Variants in INPP4B observed in about 807,000 individuals in gnomAD.
The protein encoded by INPP4B is inositol polyphosphate-4-phosphatase type II B, also known as inositol polyphosphate 4-phosphatase type II.
In INPP4B, 55 loss-of-function variants were observed where a neutral mutation model predicts 122.5. The observed-to-expected ratio is 0.45, with a 90% confidence interval of 0.36 to 0.56. The LOEUF is 0.56. Ranked by LOEUF, INPP4B falls within the 20% of genes least tolerant of loss-of-function variation. INPP4B has a pLI of 0.00. For synonymous variants in INPP4B, 403 were observed against 388.7 expected, an observed-to-expected ratio of 1.04 and a Z score of -0.43; for missense variants, 1,000 against 1,097.7, an observed-to-expected ratio of 0.91 and a Z score of 1.26.
intron 2 of INPP4B, among the ~76,000 whole-genome samples, chr4:142,541,560 C>T (rs11728822): frequency 0.47 from 71,017 of 152,032 alleles, 19,240 homozygotes; most frequent in Non-Finnish European, 0.62. Context: ...AATTTATTGC[C>T]TCACAACTCC....
At chr4:142,743,946 G>T (rs967730676) in intron 1 of INPP4B, among the ~76,000 whole-genome samples, 1 of 151,648 alleles carries the variant, frequency 6.6e-6, no homozygotes, top group African/African-American at 2.4e-5. Context: ...ACATAGTAAA[G>T]AATAAGCCAT....
intron 3 of INPP4B, among the ~76,000 whole-genome samples, chr4:142,435,342 C>A (rs1308293729): frequency 6.6e-6 from 1 of 151,964 alleles, no homozygotes; most frequent in Non-Finnish European, 1.5e-5. Flanking sequence ...AAAGTCCTTT[C>A]AATAAGAATG....
chr4:142,441,901 T>C (rs1183348498), intron 3 of INPP4B, among the ~76,000 whole-genome samples: 6 of 136,974 alleles, frequency 4.4e-5, no homozygotes, highest in Non-Finnish European at 6.2e-5. Context: ...GAGAGAGAAA[T>C]AGAATTGAAC....
At chr4:142,431,855 C>T (rs1383256398) in intron 3 of INPP4B, among the ~76,000 whole-genome samples, 4 of 152,050 alleles carry the variant, frequency 2.6e-5, no homozygotes, top group East Asian at 1.9e-4. Flanking sequence ...TTTGGCATGA[C>T]ATTCTTCTTC....
At chr4:142,653,064 A>G (rs1352859904) in intron 2 of INPP4B, among the ~76,000 whole-genome samples, 1 of 152,190 alleles carries the variant, frequency 6.6e-6, no homozygotes, top group Non-Finnish European at 1.5e-5. Flanking sequence ...CTCAGAAATA[A>G]CACCACACAT....
chr4:142,264,936 C>T (rs1742024153), intron 10 of INPP4B, among the ~76,000 whole-genome samples: 1 of 151,968 alleles, frequency 6.6e-6, no homozygotes, highest in Non-Finnish European at 1.5e-5. Context: ...CTCCCTCTCT[C>T]CCTTCCTTTC....
chr4:142,152,714 C>A (rs1003799427), intron 17 of INPP4B, among the ~76,000 whole-genome samples: 1 of 152,124 alleles, frequency 6.6e-6, no homozygotes, highest in African/African-American at 2.4e-5. Flanking sequence ...CTGCCTCAGC[C>A]TCCCAAGTAG....
intron 1 of INPP4B, among the ~76,000 whole-genome samples, chr4:142,729,828 C>T (rs769859575): frequency 5.3e-5 from 8 of 152,128 alleles, no homozygotes; most frequent in South Asian, 4.1e-4. Context: ...CTTTCATATT[C>T]GTGGCCCACC....
rs144773298 is a variant in INPP4B, at chr4:142,242,719, G to A, written c.689-4708C>T. Among the ~76,000 whole-genome samples, 11 of 152,036 alleles carry A rather than the reference G, an allele frequency of 7.2e-5. No individual in the cohort carries two copies. The East Asian group carries it at 1.2e-3, about 16-fold the overall frequency. On this transcript the variant is annotated intron_variant, in intron 11 of 25. Transcript: ENST00000262992. ...ATCCTATAAACTTAGCTCAGCTATC[G>A]CCTCCTCCAGGAAGCCTTCTTCAGT...
chr4:142,683,364 T>A (rs3967128), intron 2 of INPP4B, among the ~76,000 whole-genome samples: 118,830 of 151,550 alleles, frequency 0.78, 47,091 homozygotes, highest in East Asian at 0.85. Flanking sequence ...CAATGGGAGG[T>A]CACTGGTGTA....
intron 1 of INPP4B, among the ~76,000 whole-genome samples, chr4:142,839,497 A>C (rs1783225398): frequency 6.6e-6 from 1 of 152,156 alleles, no homozygotes; most frequent in Non-Finnish European, 1.5e-5. Context: ...ATCATGTAAC[A>C]AGTTCAAGTA....
chr4:142,093,942 A>T (rs1780693301), intron 23 of INPP4B, among the ~76,000 whole-genome samples: 1 of 152,226 alleles, frequency 6.6e-6, no homozygotes, highest in African/African-American at 2.4e-5. Flanking sequence ...CCAAAGCAAT[A>T]TATTAAAAAT....
chr4:142,714,977 G>T (rs78552119), intron 2 of INPP4B, among the ~76,000 whole-genome samples: 43 of 152,296 alleles, frequency 2.8e-4, no homozygotes, highest in African/African-American at 1.0e-3. Context: ...GTCCACATGT[G>T]CAGTGGCTAG....
chr4:142,630,568 A>G (rs1301936042), intron 2 of INPP4B, among the ~76,000 whole-genome samples: 8 of 151,982 alleles, frequency 5.3e-5, no homozygotes, highest in Admixed American at 2.6e-4. Flanking sequence ...GCAACTAGAA[A>G]TCTGGATAAA....
intron 2 of INPP4B, among the ~76,000 whole-genome samples, chr4:142,496,167 T>A (rs1355825030): frequency 6.6e-6 from 1 of 152,186 alleles, no homozygotes; most frequent in Non-Finnish European, 1.5e-5. Flanking sequence ...TAATTTTTTA[T>A]AAGTAGAATT....
intron 8 of INPP4B, among the ~76,000 whole-genome samples, chr4:142,313,066 G>C (rs1444281826): frequency 6.6e-6 from 1 of 152,192 alleles, no homozygotes; most frequent in Non-Finnish European, 1.5e-5. Flanking sequence ...CACGTTGCTA[G>C]AGTCACAGAA....
chr4:142,278,502 T>C (rs1749686936), intron 9 of INPP4B, among the ~76,000 whole-genome samples: 1 of 151,882 alleles, frequency 6.6e-6, no homozygotes, highest in African/African-American at 2.4e-5. Context: ...GTGGCAATGA[T>C]GGCAGTATTT....
chr4:142,164,512 T>C (rs537291845), intron 16 of INPP4B, among the ~76,000 whole-genome samples: 2 of 151,906 alleles, frequency 1.3e-5, no homozygotes, highest in South Asian at 2.1e-4. Flanking sequence ...ATTAGGGCAC[T>C]GATGTATTTT....
intron 1 of INPP4B, among the ~76,000 whole-genome samples, chr4:142,738,708 T>G (rs1052285133): frequency 2.6e-5 from 4 of 152,148 alleles, no homozygotes; most frequent in African/African-American, 4.8e-5. Context: ...TCCCCATATG[T>G]GTCTACAAAT....
Sources: gnomAD v4.1 joint callset for allele counts (sites outside exome capture counted in the v4.1 genomes callset) on GRCh38, gnomAD v4.1.1 for gene constraint, MANE v1.5 for transcripts, NCBI Gene and HGNC (gene_info 2026-07-23, HGNC 2026-07-21) for gene names.